KCNAB2: variants seen among roughly 807,000 people sequenced by gnomAD.
KCNAB2 encodes potassium voltage-gated channel subfamily A regulatory beta subunit 2, also known as voltage-gated potassium channel subunit beta-2.
KCNAB2 carries 29 observed loss-of-function variants against 63.6 expected under a neutral mutation model. That is an observed-to-expected ratio of 0.46 (90% confidence interval 0.34 to 0.62). The LOEUF (loss-of-function observed/expected upper bound fraction) is 0.62. Ranked by LOEUF, KCNAB2 falls within the 20% of genes least tolerant of loss-of-function variation. The probability of loss-of-function intolerance (pLI) is 0.01; values close to 1 mark genes in which losing one functional copy is unlikely to be tolerated. For synonymous variants in KCNAB2, 222 were observed against 224.2 expected (o/e 0.99, Z 0.09); for missense variants, 359 against 563.9 (o/e 0.64, Z 3.68).
At position 6,096,420 on chromosome 1, in the gene KCNAB2, C is replaced by T. The variant is rs1251279782; in HGVS notation, c.949-216C>T. 2 of 622,780 alleles carry T rather than the reference C, an allele frequency of 3.2e-6. No individual in the cohort carries two copies. Among genetic ancestry groups the T allele is most frequent in the Non-Finnish European group, 5.6e-6 (2 of 357,800 alleles). The allele number at this position is 622,780 out of a possible 1,614,324, so 38.6% of individuals were successfully genotyped here. ...CAGTCTTTGCACTTCAGAGCCTGGA[C>T]AGGCCCCGCTCATCCACCAGCCCGT... On this transcript the variant is annotated intron_variant, in intron 13 of 15. Coordinates refer to ENST00000378083, the MANE Select transcript of KCNAB2 (RefSeq NM_001199862.2). This position sits in a 1 kb window ranked among gnomAD's most constrained non-coding sequence, Gnocchi z 5.9.
chr1:6,001,934 G>A (rs981367803), intron 1 of KCNAB2, among the ~76,000 whole-genome samples: 5 of 152,150 alleles, frequency 3.3e-5, no homozygotes, highest in Non-Finnish European at 5.9e-5. Context: ...CTCTCTGACT[G>A]AGCCCCCTCG....
Position 6,100,137 on chromosome 1 carries a change from G to A in KCNAB2, c.*1563G>A, listed in dbSNP as rs959804248. 1.5e-5 allele frequency: 21 copies of A among 1,416,156 alleles called. No individual in the cohort carries two copies. The highest frequency in any genetic ancestry group is 9.1e-5 in the Admixed American group (3 of 32,938). The allele number at this position is 1,416,156 out of a possible 1,614,324, so 87.7% of individuals were successfully genotyped here. A position where few individuals can be genotyped will look rare whatever the true frequency, so the allele number is the denominator to read the frequency against. On this transcript the variant is annotated 3_prime_UTR_variant, in exon 16 of 16. Transcript: ENST00000378083. ...AGAAGGCTCCACCCTGCCGTCCTGC[G>A]GGAGCCTGCTGTCCAGTCCTGGCCG... is the stretch of plus-strand genomic sequence containing the variant.
chr1:6,075,207 G>C (rs187925069), intron 4 of KCNAB2, among the ~76,000 whole-genome samples: 1 of 152,260 alleles, frequency 6.6e-6, no homozygotes, highest in Admixed American at 6.5e-5. Context: ...TCTGTAGAAC[G>C]GCATAACTTC....
chr1:6,070,447 C>T (rs1339450268), intron 2 of KCNAB2, among the ~76,000 whole-genome samples: 1 of 152,150 alleles, frequency 6.6e-6, no homozygotes, highest in Non-Finnish European at 1.5e-5. Flanking sequence ...GGCTGTTCTC[C>T]CCAGCAGCCA....
In KCNAB2 at chr1:6,097,373, C is replaced by A. The variant is rs891243851; in HGVS notation, c.1158+16C>A. On this transcript the variant is annotated intron_variant, in intron 15 of 15. Transcript: ENST00000378083. The stretch of plus-strand genomic sequence containing the variant: ...GGCAATACAGGTAAGAGTGAGAGGC[C>A]CTGCTGGGCAGAGGGCCCATCCCAG... The A allele has an allele frequency of 1.9e-6, 3 of 1,550,798 alleles. No homozygotes were observed. Among genetic ancestry groups the A allele is most frequent in the Non-Finnish European group, 2.6e-6 (3 of 1,147,138 alleles).
intron 1 of KCNAB2, among the ~76,000 whole-genome samples, chr1:6,038,357 C>G (rs1244154226): frequency 1.3e-5 from 2 of 152,134 alleles, no homozygotes; most frequent in African/African-American, 4.8e-5. Flanking sequence ...GTGACACGAT[C>G]ATAGCACTCT....
rs917211357 is a variant in KCNAB2, at chr1:6,100,791, G to A, written c.*2217G>A. On this transcript the variant is annotated 3_prime_UTR_variant, in exon 16 of 16. Transcript: ENST00000378083. ...GGATGTGAGGGGGCTCTGCCTCCTA[G>A]GGCCAGGTCCCCCCTCTCGGGAGGA... 3 of 152,254 alleles carry A rather than the reference G, an allele frequency of 2.0e-5. No individual in the cohort carries two copies. The highest frequency in any genetic ancestry group is 1.3e-4 in the Admixed American group (2 of 15,290). The allele number at this position is 152,254 out of a possible 1,614,324, so 9.4% of individuals were successfully genotyped here. A position where few individuals can be genotyped will look rare whatever the true frequency, so the allele number is the denominator to read the frequency against.
intron 1 of KCNAB2, among the ~76,000 whole-genome samples, chr1:6,000,631 C>A (rs1657199442): frequency 6.7e-6 from 1 of 148,792 alleles, no homozygotes; most frequent in Non-Finnish European, 1.5e-5. Flanking sequence ...TATCAACAGA[C>A]CCTGAATGGG....
At chr1:5,998,044 T>C (rs1657034617) in intron 1 of KCNAB2, among the ~76,000 whole-genome samples, 1 of 152,150 alleles carries the variant, frequency 6.6e-6, no homozygotes, top group Non-Finnish European at 1.5e-5. Context: ...TGGGGACATT[T>C]GACCTGGACC....
At chr1:6,026,767 A>G (rs1470824570) in intron 1 of KCNAB2, among the ~76,000 whole-genome samples, 1 of 152,166 alleles carries the variant, frequency 6.6e-6, no homozygotes. Flanking sequence ...CCCTGGGATG[A>G]TGTTGAGGGA....
At position 6,087,287 on chromosome 1, in the gene KCNAB2, C is replaced by G. The variant is rs1447054336; in HGVS notation, c.426-180C>G. On this transcript the variant is annotated intron_variant, in intron 6 of 15. Transcript: ENST00000378083. This position sits in a 1 kb window ranked among gnomAD's most constrained non-coding sequence, Gnocchi z 6.4. ...GCCTCCTGGCTCCATGAGGAGCCCA[C>G]GCACCCCGGCTGGGCACGTGGTACA... 2.0e-5 allele frequency among the ~76,000 whole-genome samples: 3 copies of G among 152,212 alleles called. No individual in the cohort carries two copies. Among genetic ancestry groups the G allele is most frequent in the Admixed American group, 6.5e-5 (1 of 15,288 alleles).
chr1:6,030,283 G>A (rs915451164), upstream of KCNAB2, among the ~76,000 whole-genome samples: 1 of 152,188 alleles, frequency 6.6e-6, no homozygotes, highest in African/African-American at 2.4e-5. Flanking sequence ...CAGGTGGGGT[G>A]GCTCTTGCAT....
intron 4 of KCNAB2, among the ~76,000 whole-genome samples, chr1:6,077,529 C>G (rs756775775): frequency 2.0e-5 from 3 of 152,170 alleles, no homozygotes; most frequent in Middle Eastern, 3.2e-3. Context: ...TCTGCAGTGC[C>G]GGACCCTGCT....
chr1:6,055,406 A>G (rs1570973498), intron 2 of KCNAB2, among the ~76,000 whole-genome samples: 1 of 144,450 alleles, frequency 6.9e-6, no homozygotes, highest in Admixed American at 7.3e-5. Flanking sequence ...CCCAGGCTAC[A>G]GTGCAGTGGC....
At chr1:6,002,885 T>C (rs905742136) in intron 1 of KCNAB2, among the ~76,000 whole-genome samples, 10 of 152,144 alleles carry the variant, frequency 6.6e-5, no homozygotes, top group African/African-American at 2.4e-4. Flanking sequence ...GTCCTTTGAG[T>C]TGGCAGCTGC....
upstream of KCNAB2, among the ~76,000 whole-genome samples, chr1:6,044,455 A>G (rs1184293004): frequency 6.6e-6 from 1 of 152,196 alleles, no homozygotes; most frequent in Non-Finnish European, 1.5e-5. Context: ...GCTGGGAAGC[A>G]TATTCCAGTA....
chr1:6,066,702 C>G (rs537686569), intron 2 of KCNAB2, among the ~76,000 whole-genome samples: 4 of 152,344 alleles, frequency 2.6e-5, no homozygotes, highest in Non-Finnish European at 4.4e-5. Flanking sequence ...ATCTTTCCAG[C>G]CAGGCCACCA....
rs1557922476 is a variant in KCNAB2 at position 6,005,415 on chromosome 1, G to GAC, written c.-53+12627_-53+12628insAC. On this transcript the variant is annotated intron_variant, in intron 1 of 16. Coordinates refer to the KCNAB2 transcript ENST00000341524. ...TGTGGGAGCTGAGCTGAGGGGTGGG[G>GAC]GTGGAGTTGTGGGTTGTGTGAGCTG... 3.6e-5 allele frequency among the ~76,000 whole-genome samples: 5 copies of GAC among 137,302 alleles called. 1 individual carries two copies. The highest frequency in any genetic ancestry group is 8.6e-5 in the African/African-American group (3 of 34,802). 90.1% of individuals were successfully genotyped at this position (137,302 alleles called of 152,430 possible). A position where few individuals can be genotyped will look rare whatever the true frequency, so the allele number is the denominator to read the frequency against.
chr1:6,067,295 G>C (rs1662841728), intron 2 of KCNAB2, among the ~76,000 whole-genome samples: 1 of 152,196 alleles, frequency 6.6e-6, no homozygotes, highest in African/African-American at 2.4e-5. Flanking sequence ...CCGAACTGGG[G>C]ACAACTCTGC....
Sources: gnomAD v4.1 joint callset for allele counts (sites outside exome capture counted in the v4.1 genomes callset) on GRCh38, gnomAD v4.1.1 for gene constraint, Gnocchi (gnomAD v3.1) non-coding constraint, MANE v1.5 for transcripts, NCBI Gene and HGNC (gene_info 2026-07-23, HGNC 2026-07-21) for gene names.